The following NIM1K variants were observed in gnomAD, a reference collection of about 807,000 sequenced individuals.
NIM1K encodes NIM1 serine/threonine protein kinase.
Under a neutral mutation model 37.1 loss-of-function variants are expected in NIM1K, and 35 were observed. That is an observed-to-expected ratio of 0.94 (90% CI 0.72 to 1.25). The LOEUF (loss-of-function observed/expected upper bound fraction) is 1.25. NIM1K is among the 50% of genes most tolerant of loss of function. NIM1K has a pLI of 0.00. For synonymous variants in NIM1K, 234 were observed against 206.6 expected (o/e 1.13, Z -1.14); for missense variants, 564 against 548.0 (o/e 1.03, Z -0.29).
At chr5:43,255,754 AAAAGAAAG>A (rs1554016081) in intron 2 of NIM1K, among the ~76,000 whole-genome samples, 1 of 131,808 alleles carries the variant, frequency 7.6e-6, no homozygotes, top group African/African-American at 2.8e-5. Flanking sequence ...TCTCAAAAAA[AAAAGAAAG>A]AAAGAAAGAA....
intron 1 of NIM1K, chr5:43,206,729 A>G (rs1752119088): frequency 2.7e-6 from 2 of 733,024 alleles, no homozygotes; most frequent in African/African-American, 1.7e-5. Context: ...AGCACAGCAC[A>G]CTTGACTTCA....
Position 43,280,107 on chromosome 5 carries a change from T to A in NIM1K, c.689T>A (p.Phe230Tyr). The A allele has an allele frequency of 6.2e-7, 1 of 1,614,246 alleles. No homozygotes were observed. Among genetic ancestry groups the A allele is most frequent in the Non-Finnish European group, 8.5e-7 (1 of 1,180,044 alleles). The change falls in exon 4 of 4, where the codon TTC (phenylalanine) becomes TAC (tyrosine). Residue 230 changes from phenylalanine to tyrosine, a missense_variant. Physicochemically the swap from Phe to Tyr is conservative, Grantham distance 22. Transcript: ENST00000326035. ...AAAAAAGGTGAAATGCTGAACACTT[T>A]CTGTGGGTCTCCTCCCTACGCTGCG... ...VSKKGEMLNT[F>Y]CGSPPYAAPE...
intron 1 of NIM1K, chr5:43,232,120 G>C (rs1355315769): frequency 1.9e-6 from 2 of 1,047,298 alleles, no homozygotes; most frequent in Non-Finnish European, 1.4e-6. Context: ...CAACCTTGAA[G>C]CCAGGGGGCA....
rs933666418 is a variant in NIM1K, at chr5:43,260,591, TAG to T, written c.292+14539_292+14540del. 1.4e-3 allele frequency among the ~76,000 whole-genome samples: 210 copies of T among 149,784 alleles called. 1 individual carries two copies. The highest frequency in any genetic ancestry group is 4.1e-3 in the African/African-American group (168 of 40,610). On this transcript the variant is annotated intron_variant, in intron 2 of 3. Coordinates refer to ENST00000326035, the MANE Select transcript of NIM1K (RefSeq NM_153361.4). The stretch of plus-strand genomic sequence containing the variant: ...ATATTTATTGACTTGCATATATATA[TAG>T]AGAGAGAGAGAGAGCACAGATTTTT...
intron 2 of NIM1K, among the ~76,000 whole-genome samples, chr5:43,247,483 C>A (rs753296567): frequency 3.9e-4 from 60 of 152,194 alleles, no homozygotes; most frequent in Non-Finnish European, 8.2e-4. Flanking sequence ...CATCCCAATA[C>A]ACAAACTGAG....
intron 2 of NIM1K, among the ~76,000 whole-genome samples, chr5:43,262,722 C>A (rs1753052151): frequency 6.6e-6 from 1 of 152,102 alleles, no homozygotes; most frequent in East Asian, 1.9e-4. Context: ...TTTGCCCATT[C>A]CATATGATAT....
chr5:43,216,522 T>G (rs1408901810), intron 1 of NIM1K, among the ~76,000 whole-genome samples: 1 of 152,210 alleles, frequency 6.6e-6, no homozygotes, highest in Non-Finnish European at 1.5e-5. Context: ...ATATTGGCAC[T>G]TAGTGCATGA....
chr5:43,259,325 T>G (rs902159409), intron 2 of NIM1K, among the ~76,000 whole-genome samples: 1 of 152,232 alleles, frequency 6.6e-6, no homozygotes, highest in Admixed American at 6.5e-5. Context: ...GATTTTAATT[T>G]ACTTTTAGAT....
intron 2 of NIM1K, among the ~76,000 whole-genome samples, chr5:43,252,572 T>C (rs200690519): frequency 4.2e-4 from 3 of 7,120 alleles, no homozygotes; most frequent in Non-Finnish European, 5.4e-4. Flanking sequence ...GTCTAAAAAA[T>C]TGAAAAAAAA....
intron 3 of NIM1K, among the ~76,000 whole-genome samples, chr5:43,278,399 T>G (rs1278230216): frequency 6.6e-6 from 1 of 152,216 alleles, no homozygotes. Flanking sequence ...AAATCTGGAC[T>G]CCTAATGCAC....
intron 1 of NIM1K, among the ~76,000 whole-genome samples, chr5:43,217,708 A>ATTTTTTTTTTTTTTTTT (rs71608698): frequency 2.1e-5 from 2 of 93,648 alleles, no homozygotes; most frequent in African/African-American, 4.3e-5. Flanking sequence ...TCCTCTGTCT[A>ATTTTTTTTTTTTTTTTT]TTTTTTTTTT....
In NIM1K at chr5:43,245,642, C is replaced by A; in HGVS notation, c.-134C>A. The A allele has an allele frequency of 1.2e-6, 1 of 827,478 alleles. No homozygotes were observed. The highest frequency in any genetic ancestry group is 1.9e-6 in the Non-Finnish European group (1 of 534,662). 51.3% of individuals were successfully genotyped at this position (827,478 alleles called of 1,614,324 possible). ...CTCACTAAAGCCGAGAGGGAGGCTG[C>A]TCAGCTCTCAGGAAAACTCTTTTGA... On this transcript the variant is annotated 5_prime_UTR_variant, in exon 2 of 4. Transcript: ENST00000326035.
intron 1 of NIM1K, among the ~76,000 whole-genome samples, chr5:43,216,968 TTTA>T (rs1309611534): frequency 6.6e-6 from 1 of 152,260 alleles, no homozygotes; most frequent in East Asian, 1.9e-4. Flanking sequence ...TTTTAACAGC[TTTA>T]TTGAGATATA....
intron 2 of NIM1K, among the ~76,000 whole-genome samples, chr5:43,265,640 T>C (rs962867260): frequency 7.2e-5 from 11 of 152,224 alleles, no homozygotes; most frequent in Non-Finnish European, 1.6e-4. Flanking sequence ...AAATTCATTC[T>C]CCGTCCAGCT....
At chr5:43,206,543 A>G (rs1752114835) in intron 1 of NIM1K, among the ~76,000 whole-genome samples, 1 of 151,654 alleles carries the variant, frequency 6.6e-6, no homozygotes, top group Non-Finnish European at 1.5e-5. Context: ...AGAAAAAAAG[A>G]AAATCCAAGA....
intron 2 of NIM1K, among the ~76,000 whole-genome samples, chr5:43,249,260 G>A (rs569457682): frequency 1.3e-5 from 2 of 151,796 alleles, no homozygotes; most frequent in African/African-American, 4.8e-5. Context: ...TAGTAGAGAC[G>A]GGGTTTCACC....
intron 2 of NIM1K, among the ~76,000 whole-genome samples, chr5:43,253,234 G>A (rs1165746610): frequency 2.7e-5 from 4 of 147,188 alleles, no homozygotes; most frequent in Non-Finnish European, 4.5e-5. Flanking sequence ...GTGTGTGTGT[G>A]TGTGTGTGTG....
At chr5:43,278,495 G>T (rs888712597) in intron 3 of NIM1K, among the ~76,000 whole-genome samples, 3 of 152,180 alleles carry the variant, frequency 2.0e-5, no homozygotes, top group African/African-American at 4.8e-5. Flanking sequence ...AACCTGACTT[G>T]CAGGCCTGAG....
intron 1 of NIM1K, among the ~76,000 whole-genome samples, chr5:43,208,967 G>C (rs1752159691): frequency 6.6e-6 from 1 of 152,220 alleles, no homozygotes; most frequent in Non-Finnish European, 1.5e-5. Flanking sequence ...AAGTCCATGG[G>C]TGTGTACATT....
Sources: allele counts gnomAD v4.1 joint callset (sites outside exome capture counted in the v4.1 genomes callset), GRCh38; gene constraint gnomAD v4.1.1; transcripts MANE v1.5; gene names NCBI Gene and HGNC (gene_info 2026-07-23, HGNC 2026-07-21).